The following CHEK2 variants were observed in gnomAD, a reference collection of about 807,000 sequenced individuals.
CHEK2 encodes the protein serine/threonine-protein kinase Chk2.
A neutral mutation model predicts 69.1 loss-of-function variants in CHEK2; 71 were observed. That is an observed-to-expected ratio of 1.03 (90% CI 0.85 to 1.25). The LOEUF (loss-of-function observed/expected upper bound fraction) is 1.25. Ranked by LOEUF, CHEK2 falls within the 50% of genes most tolerant of loss-of-function variation. The probability of loss-of-function intolerance (pLI) is 0.00; values close to 1 mark genes in which losing one functional copy is unlikely to be tolerated. For missense variants in CHEK2, 664 were observed against 649.6 expected (o/e 1.02, Z -0.24); for synonymous variants, 189 against 226.9 (o/e 0.83, Z 1.50).
intron 1 of CHEK2, 26 bp downstream of exon 1, chr22:28,741,743 C>G (rs1311161430): frequency 5.7e-6 from 2 of 353,046 alleles, no homozygotes; most frequent in Non-Finnish European, 1.1e-5. Flanking sequence ...ACCAAACACC[C>G]AACAGAAGTT....
At chr22:28,711,480 A>G (rs1274176428) in intron 6 of CHEK2, among the ~76,000 whole-genome samples, 1 of 152,196 alleles carries the variant, frequency 6.6e-6, no homozygotes, top group Non-Finnish European at 1.5e-5. Flanking sequence ...ACAAAACTGT[A>G]TATACAAGAT....
chr22:28,696,905 A>G lies in CHEK2; in HGVS notation c.1091T>C (p.Ile364Thr), dbSNP rs774179198. ...LLSSQEEDCLIKITDFGHSKI... is the reference protein window; with the variant it reads ...LLSSQEEDCLTKITDFGHSKI... ...TACAGAATGCCAATTTCTTACCTTTATAAGACAGTCCTCTTCTTGAGATGA... is the reference window on the plus strand; with the variant it reads ...TACAGAATGCCAATTTCTTACCTTTGTAAGACAGTCCTCTTCTTGAGATGA... The change falls in exon 10 of 15, where the codon ATA becomes ACA. Residue 364 changes from isoleucine (I) to threonine (T), a missense_variant. By Grantham distance (89) the Ile-to-Thr change is moderately conservative. Coordinates refer to ENST00000404276, the MANE Select transcript of CHEK2 (RefSeq NM_007194.4). The G allele has an allele frequency of 2.1e-5, 34 of 1,606,482 alleles. No individual in the cohort carries two copies. Among genetic ancestry groups the G allele is most frequent in the Middle Eastern group, 1.7e-4 (1 of 6,046 alleles).
At chr22:28,694,244 A>T (rs1468940326) in intron 12 of CHEK2, 127 bp from the exon 13 acceptor site, 2 of 723,658 alleles carry the variant, frequency 2.8e-6, no homozygotes, top group African/African-American at 1.7e-5. Context: ...GAGTCAGCAG[A>T]CAGGGCCCCC....
chr22:28,737,684 G>T (rs2054453113), intron 1 of CHEK2, among the ~76,000 whole-genome samples: 1 of 151,852 alleles, frequency 6.6e-6, no homozygotes, highest in South Asian at 2.1e-4. Context: ...GTATTGGCCA[G>T]CCTGGTCTCA....
Position 28,730,453 on chromosome 22 carries a change from C to T in CHEK2, c.319+3950G>A, listed in dbSNP as rs2054178335. 4 of 692,892 alleles carry T rather than the reference C, an allele frequency of 5.8e-6. No individual in the cohort carries two copies. In the Admixed American group the frequency reaches 6.1e-5, roughly 10 times the overall value. The allele number at this position is 692,892 out of a possible 1,614,324, so 42.9% of individuals were successfully genotyped here. On this transcript the variant is annotated intron_variant, in intron 2 of 14. Coordinates refer to ENST00000404276, the MANE Select transcript of CHEK2 (RefSeq NM_007194.4). Reference sequence around the variant, plus strand: ...CAAACTGGCCGGGGATGGTGCCTCACACCTCTTATCCCAGCACTTTGGGAG... The same window carrying T: ...CAAACTGGCCGGGGATGGTGCCTCATACCTCTTATCCCAGCACTTTGGGAG...
chr22:28,709,719 C>T (rs2145929650), intron 7 of CHEK2, among the ~76,000 whole-genome samples: 1 of 152,218 alleles, frequency 6.6e-6, no homozygotes, highest in South Asian at 2.1e-4. Flanking sequence ...CAGGTTCAAG[C>T]ACTTCTCCTG....
chr22:28,717,650 A>G (rs2053631288), intron 5 of CHEK2, among the ~76,000 whole-genome samples: 1 of 152,006 alleles, frequency 6.6e-6, no homozygotes, highest in Admixed American at 6.6e-5. Flanking sequence ...CGAGGCAGGC[A>G]GATCACCTGA....
intron 4 of CHEK2, among the ~76,000 whole-genome samples, chr22:28,722,560 GA>G (rs1210113899): frequency 7.7e-6 from 1 of 129,084 alleles, no homozygotes; most frequent in Non-Finnish European, 1.6e-5. Context: ...AAAAAAAAAA[GA>G]AAAGAAAAGA....
At chr22:28,700,146 T>G (rs377619271) in intron 8 of CHEK2, among the ~76,000 whole-genome samples, 25 of 152,048 alleles carry the variant, frequency 1.6e-4, no homozygotes, top group African/African-American at 5.6e-4. Flanking sequence ...GGATTGGGCA[T>G]TGGAGGCACC....
intron 4 of CHEK2, among the ~76,000 whole-genome samples, chr22:28,722,779 C>G (rs769576098): frequency 1.3e-5 from 2 of 152,034 alleles, no homozygotes; most frequent in Admixed American, 1.3e-4. Context: ...TTTACAGGCA[C>G]AATCATAGCT....
intron 2 of CHEK2, among the ~76,000 whole-genome samples, chr22:28,732,198 G>T (rs1246309309): frequency 6.6e-6 from 1 of 151,660 alleles, no homozygotes; most frequent in Non-Finnish European, 1.5e-5. Context: ...TGCAACCTCT[G>T]CCTCCCAGGT....
At chr22:28,740,731 G>A (rs1244966455) in intron 1 of CHEK2, among the ~76,000 whole-genome samples, 1 of 152,084 alleles carries the variant, frequency 6.6e-6, no homozygotes, top group African/African-American at 2.4e-5. Context: ...ACATCAATAA[G>A]TCTGATCTTG....
intron 7 of CHEK2, among the ~76,000 whole-genome samples, chr22:28,704,099 G>A (rs187298756): frequency 3.5e-4 from 48 of 138,772 alleles, no homozygotes; most frequent in African/African-American, 1.2e-3. Flanking sequence ...ACTTGGGTCG[G>A]GGGCAGAGAG....
Position 28,710,040 on chromosome 22 carries a change from T to G in CHEK2, c.812A>C (p.Glu271Ala), listed in dbSNP as rs1555920220. ...AREADPALNV[E>A]TEIEILKKLN... The stretch of plus-strand genomic sequence containing the variant: ...CTTTTTCAAAATTTCTATTTCTGTT[T>G]CAACATTGAGAGCTGGGTCCTTTGA... Residue 271 changes from glutamate to alanine, a missense_variant, in exon 7 of 15, where the codon GAA (glutamate) becomes GCA (alanine). By Grantham distance (107) the Glu-to-Ala change is moderately radical. Transcript: ENST00000404276. The G allele has an allele frequency of 6.4e-7, 1 of 1,556,862 alleles. No homozygotes were observed. Among genetic ancestry groups the G allele is most frequent in the Non-Finnish European group, 8.8e-7 (1 of 1,130,180 alleles).
chr22:28,738,464 A>G (rs1396122688), intron 1 of CHEK2, among the ~76,000 whole-genome samples: 1 of 152,180 alleles, frequency 6.6e-6, no homozygotes, highest in South Asian at 2.1e-4. Flanking sequence ...GGTAGATCAC[A>G]ACTTCTCTAA....
chr22:28,713,627 A>G (rs1010968603), intron 5 of CHEK2, among the ~76,000 whole-genome samples: 8 of 151,926 alleles, frequency 5.3e-5, no homozygotes, highest in Non-Finnish European at 1.0e-4. Flanking sequence ...AAGTGCTGGG[A>G]TTACAGGCGT....
chr22:28,699,880 A>G lies in CHEK2; in HGVS notation c.966T>C (p.Ala322=), dbSNP rs1286531890. Residue 322 remains alanine (A), a synonymous_variant, in exon 9 of 15, where the codon GCT becomes GCC. Transcript: ENST00000404276. ...KVVGNKRLKE[A]TCKLYFYQML... is the part of the protein sequence containing the mutation. ...TCTGGTAAAAATAGAGCTTGCAGGT[A>G]GCTTCTTTCAGGCGTTTATTCCCCA... 6.2e-7 allele frequency: 1 copy of G among 1,614,142 alleles called. No individual in the cohort carries two copies. The highest frequency in any genetic ancestry group is 2.2e-5 in the East Asian group (1 of 44,880).
At chr22:28,707,102 C>A (rs2053182728) in intron 7 of CHEK2, among the ~76,000 whole-genome samples, 1 of 152,088 alleles carries the variant, frequency 6.6e-6, no homozygotes, top group African/African-American at 2.4e-5. Context: ...ATAGTCAGAA[C>A]CAGTGTGAAT....
intron 2 of CHEK2, chr22:28,730,521 G>A (rs1341571503): frequency 7.2e-6 from 5 of 697,894 alleles, no homozygotes; most frequent in Non-Finnish European, 1.0e-5. Flanking sequence ...TTCAAGATCA[G>A]ATTGGGTAAC....
Sources: allele counts gnomAD v4.1 joint callset (sites outside exome capture counted in the v4.1 genomes callset), GRCh38; gene constraint gnomAD v4.1.1; transcripts MANE v1.5; gene names NCBI Gene and HGNC (gene_info 2026-07-23, HGNC 2026-07-21).